The following PPP2R3A variants were observed in gnomAD, a reference collection of about 807,000 sequenced individuals.
PPP2R3A encodes serine/threonine-protein phosphatase 2A regulatory subunit B'' subunit alpha.
A neutral mutation model predicts 106.9 loss-of-function variants in PPP2R3A; 80 were observed. That is an observed-to-expected ratio of 0.75 (90% CI 0.62 to 0.90). PPP2R3A has a LOEUF of 0.90. PPP2R3A is among the 40% of genes least tolerant of loss of function. The pLI is 0.00. For synonymous variants in PPP2R3A, 483 were observed against 468.3 expected, an observed-to-expected ratio of 1.03 and a Z score of -0.41; for missense variants, 1,386 against 1,350.4, an observed-to-expected ratio of 1.03 and a Z score of -0.41.
chr3:136,025,317 T>C (rs1381555212), intron 2 of PPP2R3A, among the ~76,000 whole-genome samples: 1 of 152,142 alleles, frequency 6.6e-6, no homozygotes, highest in Non-Finnish European at 1.5e-5. Context: ...GTTTTTCATA[T>C]TTCATTGGTA....
chr3:136,052,187 ACT>A lies in PPP2R3A; in HGVS notation c.2469+2832_2469+2833del, dbSNP rs1197454250. ...CAGTTCTCTACTGCTCTCCATCCTC[ACT>A]CTCTCAATCCATTCTTGGCCTTGCT... On this transcript the variant is annotated intron_variant, in intron 5 of 13. Transcript: ENST00000264977. Among the ~76,000 whole-genome samples, 4 of 151,406 alleles carry A rather than the reference ACT, an allele frequency of 2.6e-5. No individual in the cohort carries two copies. In the East Asian group the frequency reaches 7.8e-4, roughly 29 times the overall value.
intron 3 of PPP2R3A, among the ~76,000 whole-genome samples, chr3:136,031,018 A>T (rs1420588416): frequency 6.6e-6 from 1 of 151,962 alleles, no homozygotes; most frequent in African/African-American, 2.4e-5. Flanking sequence ...TGGTAGTTCT[A>T]CTTTTAGTTC....
intron 9 of PPP2R3A, 40 bp downstream of exon 9, chr3:136,087,971 A>G (rs1318463774): frequency 6.6e-7 from 1 of 1,509,306 alleles, no homozygotes; most frequent in Non-Finnish European, 9.2e-7. Flanking sequence ...AATGAACTAC[A>G]AGTAATACCA....
intron 2 of PPP2R3A, among the ~76,000 whole-genome samples, chr3:136,023,669 C>T (rs1934545541): frequency 6.6e-6 from 1 of 152,032 alleles, no homozygotes; most frequent in African/African-American, 2.4e-5. Flanking sequence ...TCCTGGTAAT[C>T]TTTTTTTAAA....
chr3:136,040,640 T>C (rs1328317559), intron 3 of PPP2R3A, among the ~76,000 whole-genome samples: 1 of 152,134 alleles, frequency 6.6e-6, no homozygotes, highest in Non-Finnish European at 1.5e-5. Flanking sequence ...TAAATGAATT[T>C]CCGTTTTCTT....
intron 1 of PPP2R3A, among the ~76,000 whole-genome samples, chr3:135,977,688 CTTTTTTTTTTTTTTTT>C (rs66592538): frequency 3.3e-5 from 2 of 61,098 alleles, no homozygotes; most frequent in Admixed American, 2.1e-4. Flanking sequence ...GATCAGCATT[CTTTTTTTTTTTTTTTT>C]TTTTTTTTTT....
intron 5 of PPP2R3A, among the ~76,000 whole-genome samples, chr3:136,066,853 G>T (rs1000830144): frequency 6.6e-6 from 1 of 152,106 alleles, no homozygotes; most frequent in Non-Finnish European, 1.5e-5. Flanking sequence ...CATAAGATTT[G>T]CCAGGGAAAT....
chr3:135,993,165 C>T (rs535839019), intron 1 of PPP2R3A, among the ~76,000 whole-genome samples: 1 of 152,060 alleles, frequency 6.6e-6, no homozygotes, highest in South Asian at 2.1e-4. Context: ...GAAAGAGAAG[C>T]CACAGACTGG....
intron 13 of PPP2R3A, among the ~76,000 whole-genome samples, chr3:136,141,025 T>C (rs1028709158): frequency 2.0e-5 from 3 of 152,232 alleles, no homozygotes; most frequent in Non-Finnish European, 4.4e-5. Flanking sequence ...GACATCACTT[T>C]CCATTCAGCA....
intron 1 of PPP2R3A, among the ~76,000 whole-genome samples, chr3:135,993,932 A>T (rs1410328102): frequency 2.0e-5 from 3 of 152,190 alleles, no homozygotes; most frequent in Non-Finnish European, 2.9e-5. Flanking sequence ...GTTGGATATT[A>T]TGGGTAAGGG....
At chr3:136,096,621 A>C (rs527378189) in intron 10 of PPP2R3A, among the ~76,000 whole-genome samples, 2 of 152,386 alleles carry the variant, frequency 1.3e-5, no homozygotes, top group East Asian at 3.9e-4. Context: ...GCACTAGGCC[A>C]GTGCTTTTCA....
At chr3:136,041,398 C>T (rs1935283695) in intron 4 of PPP2R3A, among the ~76,000 whole-genome samples, 1 of 151,828 alleles carries the variant, frequency 6.6e-6, no homozygotes, top group African/African-American at 2.4e-5. Context: ...GCTGGGACTA[C>T]AGGCAGGCAC....
At chr3:136,122,576 A>G (rs1376910927) in intron 13 of PPP2R3A, among the ~76,000 whole-genome samples, 2 of 152,224 alleles carry the variant, frequency 1.3e-5, no homozygotes, top group East Asian at 1.9e-4. Flanking sequence ...TCAGACCGAT[A>G]TTATTCAAGG....
At chr3:136,022,801 G>A (rs909861575) in intron 2 of PPP2R3A, 2 of 1,211,144 alleles carry the variant, frequency 1.7e-6, no homozygotes, top group Non-Finnish European at 2.1e-6. Flanking sequence ...CCAACAAGGA[G>A]CAACAGGCCC....
At chr3:135,965,985 G>C (rs1305529871) in intron 1 of PPP2R3A, 136 bp downstream of exon 1, 1 of 153,310 alleles carries the variant, frequency 6.5e-6, no homozygotes, top group Non-Finnish European at 1.5e-5. Flanking sequence ...GGACCGGCCT[G>C]GCCAGAGGGG....
At chr3:136,008,659 AT>A (rs879660217) in intron 2 of PPP2R3A, among the ~76,000 whole-genome samples, 1 of 152,176 alleles carries the variant, frequency 6.6e-6, no homozygotes, top group Non-Finnish European at 1.5e-5. Context: ...TTATTAATAT[AT>A]TTTTATGCAC....
chr3:136,072,264 T>C (rs762182807), intron 6 of PPP2R3A, among the ~76,000 whole-genome samples: 2 of 152,156 alleles, frequency 1.3e-5, no homozygotes, highest in Admixed American at 1.3e-4. Flanking sequence ...AGACAGTCAA[T>C]ATGTACTGAG....
intron 13 of PPP2R3A, among the ~76,000 whole-genome samples, chr3:136,134,403 T>C (rs1334501600): frequency 6.6e-6 from 1 of 152,190 alleles, no homozygotes; most frequent in Non-Finnish European, 1.5e-5. Context: ...ATCTAAACAA[T>C]TGGCACTGGT....
chr3:136,076,634 G>C (rs1936604613), intron 6 of PPP2R3A, among the ~76,000 whole-genome samples: 1 of 152,122 alleles, frequency 6.6e-6, no homozygotes, highest in Non-Finnish European at 1.5e-5. Flanking sequence ...TTATCAAGCA[G>C]TTATGGACCA....
Sources: gnomAD v4.1 joint callset for allele counts (sites outside exome capture counted in the v4.1 genomes callset) on GRCh38, gnomAD v4.1.1 for gene constraint, MANE v1.5 for transcripts, NCBI Gene and HGNC (gene_info 2026-07-23, HGNC 2026-07-21) for gene names.